Variants in DLG2 observed in about 807,000 individuals in gnomAD.
The protein encoded by DLG2 is discs large MAGUK scaffold protein 2, also known as disks large homolog 2.
Under a neutral mutation model 132.5 loss-of-function variants are expected in DLG2, and 45 were observed. The ratio of observed to expected loss-of-function variants is 0.34; its 90% CI spans 0.27 to 0.44. The LOEUF (loss-of-function observed/expected upper bound fraction) is 0.44, where lower values mean the gene tolerates loss of function less well. DLG2 is among the 20% of genes least tolerant of loss of function. The pLI is 1.00. For missense variants in DLG2, 1,045 were observed against 1,196.9 expected (o/e 0.87, Z 1.87); for synonymous variants, 424 against 419.6 (o/e 1.01, Z -0.13).
At chr11:84,052,552 T>C (rs566248336) in intron 11 of DLG2, among the ~76,000 whole-genome samples, 2 of 151,684 alleles carry the variant, frequency 1.3e-5, no homozygotes, top group East Asian at 1.9e-4. Context: ...AACAGAACCT[T>C]CTCAAAAGAA....
intron 7 of DLG2, among the ~76,000 whole-genome samples, chr11:84,341,106 T>G (rs970566925): frequency 6.6e-5 from 10 of 152,172 alleles, no homozygotes; most frequent in African/African-American, 2.2e-4. Flanking sequence ...GATTCAGGCT[T>G]TGAGGTCTCT....
At chr11:84,179,755 G>A (rs1596758423) in intron 8 of DLG2, among the ~76,000 whole-genome samples, 2 of 152,168 alleles carry the variant, frequency 1.3e-5, no homozygotes, top group East Asian at 1.9e-4. Flanking sequence ...TTTTACCAGG[G>A]CCTAACATAA....
At chr11:84,732,552 T>G (rs187039035) in intron 6 of DLG2, among the ~76,000 whole-genome samples, 16 of 152,084 alleles carry the variant, frequency 1.1e-4, no homozygotes, top group Non-Finnish European at 5.9e-5. Flanking sequence ...TTTTTTTCCC[T>G]GCTATCTTTG....
intron 7 of DLG2, among the ~76,000 whole-genome samples, chr11:84,502,595 A>T (rs978193426): frequency 5.3e-5 from 8 of 151,220 alleles, no homozygotes; most frequent in African/African-American, 1.5e-4. Flanking sequence ...ATGGTGTTTC[A>T]CCATGTTGAC....
chr11:83,593,644 TA>T (rs934633584), intron 19 of DLG2, among the ~76,000 whole-genome samples: 3 of 134,740 alleles, frequency 2.2e-5, no homozygotes, highest in South Asian at 2.4e-4. Flanking sequence ...TAAAGTATAA[TA>T]AAAAAAAGAA....
chr11:83,675,243 A>G (rs2077482599), intron 18 of DLG2, among the ~76,000 whole-genome samples: 1 of 152,264 alleles, frequency 6.6e-6, no homozygotes, highest in Admixed American at 6.5e-5. Flanking sequence ...TGAATTATCC[A>G]GAAATCAGAG....
chr11:84,175,739 C>T (rs928634570), intron 8 of DLG2, among the ~76,000 whole-genome samples: 2 of 152,108 alleles, frequency 1.3e-5, no homozygotes, highest in Non-Finnish European at 2.9e-5. Context: ...GCCACATCAC[C>T]CTGCTCCTTC....
At chr11:83,468,184 C>T (rs1334087907) in intron 25 of DLG2, among the ~76,000 whole-genome samples, 2 of 152,056 alleles carry the variant, frequency 1.3e-5, no homozygotes, top group Non-Finnish European at 2.9e-5. Context: ...AAAATCTCAT[C>T]TATAATGTTC....
At chr11:84,907,442 T>C (rs55872437) in intron 6 of DLG2, among the ~76,000 whole-genome samples, 34,931 of 152,024 alleles carry the variant, frequency 0.23, 5,023 homozygotes, top group East Asian at 0.7. Context: ...CCAACAACAG[T>C]TCAATTAAAC....
At chr11:84,156,380 G>A (rs905586296) in intron 9 of DLG2, among the ~76,000 whole-genome samples, 7 of 152,122 alleles carry the variant, frequency 4.6e-5, no homozygotes, top group South Asian at 2.1e-4. Context: ...TTAGTTGACC[G>A]AGCATGGATA....
At chr11:83,752,748 T>C (rs372876158) in intron 18 of DLG2, among the ~76,000 whole-genome samples, 31 of 152,174 alleles carry the variant, frequency 2.0e-4, no homozygotes, top group Admixed American at 2.0e-3. Flanking sequence ...AAAATGTTGA[T>C]AATGCCAAAT....
intron 4 of DLG2, among the ~76,000 whole-genome samples, chr11:85,217,579 A>T (rs184493446): frequency 1.2e-3 from 185 of 152,326 alleles, no homozygotes; most frequent in Non-Finnish European, 1.7e-3. Context: ...AGATTCTACT[A>T]TGCTGTCTTA....
intron 9 of DLG2, among the ~76,000 whole-genome samples, chr11:84,132,366 T>A (rs1228440146): frequency 6.6e-6 from 1 of 151,988 alleles, no homozygotes; most frequent in East Asian, 1.9e-4. Context: ...GTTGGGGTGG[T>A]AATGTGCAGA....
chr11:83,599,664 A>G (rs956277974), intron 19 of DLG2, among the ~76,000 whole-genome samples: 1 of 152,112 alleles, frequency 6.6e-6, no homozygotes, highest in Admixed American at 6.5e-5. Flanking sequence ...GCCACTAGAC[A>G]TTGTGTTTTT....
chr11:83,967,689 G>A (rs1291587179), intron 12 of DLG2, among the ~76,000 whole-genome samples: 3 of 151,980 alleles, frequency 2.0e-5, no homozygotes, highest in Non-Finnish European at 4.4e-5. Context: ...TCATTTTGTT[G>A]ATTGTTTCCT....
At chr11:85,258,172 G>A (rs1280309621) in intron 4 of DLG2, among the ~76,000 whole-genome samples, 1 of 152,122 alleles carries the variant, frequency 6.6e-6, no homozygotes, top group East Asian at 1.9e-4. Context: ...CATAGGAAAT[G>A]CATTTTTTGA....
intron 10 of DLG2, among the ~76,000 whole-genome samples, chr11:84,060,944 G>A (rs748944030): frequency 4.6e-5 from 7 of 152,106 alleles, no homozygotes; most frequent in Non-Finnish European, 8.8e-5. Flanking sequence ...CACAAACGCC[G>A]ACCTAGCCTT....
intron 14 of DLG2, among the ~76,000 whole-genome samples, chr11:83,950,657 G>A (rs1413734865): frequency 6.6e-6 from 1 of 152,162 alleles, no homozygotes; most frequent in Non-Finnish European, 1.5e-5. Flanking sequence ...TAGAACTCCT[G>A]CTTAAGTATC....
chr11:84,957,149 T>G (rs187070873), intron 6 of DLG2, among the ~76,000 whole-genome samples: 1 of 152,136 alleles, frequency 6.6e-6, no homozygotes, highest in Non-Finnish European at 1.5e-5. Context: ...AACTTAAAGA[T>G]AAAATGGTTA....
Sources: allele counts gnomAD v4.1 joint callset (sites outside exome capture counted in the v4.1 genomes callset), GRCh38; gene constraint gnomAD v4.1.1; transcripts MANE v1.5; gene names NCBI Gene and HGNC (gene_info 2026-07-23, HGNC 2026-07-21).